Variants in COL23A1 observed in about 807,000 individuals in gnomAD.
COL23A1 encodes the protein collagen alpha-1(XXIII) chain.
Under a neutral mutation model 99.3 loss-of-function variants are expected in COL23A1, and 97 were observed. The observed-to-expected ratio is 0.98, with a 90% confidence interval of 0.83 to 1.16. The LOEUF (loss-of-function observed/expected upper bound fraction) is 1.16, where lower values mean the gene tolerates loss of function less well. Ranked by LOEUF, COL23A1 falls within the 50% of genes most tolerant of loss-of-function variation. The probability of loss-of-function intolerance (pLI) is 0.00; values close to 1 mark genes in which losing one functional copy is unlikely to be tolerated. For missense variants in COL23A1, 762 were observed against 757.4 expected (o/e 1.01, Z -0.07); for synonymous variants, 320 against 308.2 (o/e 1.04, Z -0.40).
At position 178,262,250 on chromosome 5, in the gene COL23A1, G is replaced by A; in HGVS notation, c.642C>T (p.Gly214=). ...DGPRGAQGPA[G]PKGEPGQDGE... Reference sequence around the variant, plus strand: ...CGTCTTGTCCGGGCTCTCCTTTGGGGCCCTGCGGAAGTGTGAGGGGACAGC... The same window carrying A: ...CGTCTTGTCCGGGCTCTCCTTTGGGACCCTGCGGAAGTGTGAGGGGACAGC... Residue 214 remains glycine (G), a splice_region_variant and synonymous_variant, in exon 10 of 29, where the codon GGC becomes GGT. Coordinates refer to ENST00000390654, the MANE Select transcript of COL23A1 (RefSeq NM_173465.4). The A allele has an allele frequency of 1.3e-6, 2 of 1,581,750 alleles. No individual in the cohort carries two copies. Among genetic ancestry groups the A allele is most frequent in the Non-Finnish European group, 1.7e-6 (2 of 1,163,338 alleles).
At chr5:178,463,662 G>A (rs952968111) in intron 2 of COL23A1, among the ~76,000 whole-genome samples, 1 of 152,200 alleles carries the variant, frequency 6.6e-6, no homozygotes, top group African/African-American at 2.4e-5. Flanking sequence ...GCTGAGAGGC[G>A]AGCGGGACAC....
At chr5:178,259,625 GTCCCCA>G (rs1187383259) in intron 12 of COL23A1, 90 bp downstream of exon 12, 10 of 657,602 alleles carry the variant, frequency 1.5e-5, no homozygotes, top group South Asian at 7.9e-5. Flanking sequence ...AGCCCATCCC[GTCCCCA>G]TCCCCATCCC....
chr5:178,326,222 C>G (rs78172703), intron 2 of COL23A1, among the ~76,000 whole-genome samples: 2,296 of 152,294 alleles, frequency 0.015, 66 homozygotes, highest in African/African-American at 0.051. Flanking sequence ...GCCTGCTTGA[C>G]GGCCCCATAG....
intron 8 of COL23A1, among the ~76,000 whole-genome samples, chr5:178,266,914 C>T (rs1482213018): frequency 6.6e-6 from 1 of 152,266 alleles, no homozygotes; most frequent in Non-Finnish European, 1.5e-5. Flanking sequence ...AGCAAAGTGA[C>T]TTGTTCAGGG....
chr5:178,334,155 C>A (rs1259871987), intron 2 of COL23A1, among the ~76,000 whole-genome samples: 3 of 152,202 alleles, frequency 2.0e-5, no homozygotes, highest in Non-Finnish European at 4.4e-5. Context: ...TTGCCTCCCT[C>A]CTGCTCTCTG....
intron 2 of COL23A1, among the ~76,000 whole-genome samples, chr5:178,530,749 G>A (rs916347087): frequency 3.9e-5 from 6 of 152,168 alleles, no homozygotes; most frequent in South Asian, 2.1e-4. Flanking sequence ...GTGAGTGAGC[G>A]AGCCTTCAGA....
intron 2 of COL23A1, among the ~76,000 whole-genome samples, chr5:178,315,916 A>G (rs1366603393): frequency 6.6e-6 from 1 of 152,204 alleles, no homozygotes; most frequent in Admixed American, 6.5e-5. Flanking sequence ...ACAATCTTGT[A>G]GTCTCAAATT....
intron 5 of COL23A1, among the ~76,000 whole-genome samples, chr5:178,284,097 G>C (rs1464488931): frequency 6.6e-6 from 1 of 152,264 alleles, no homozygotes; most frequent in Middle Eastern, 3.4e-3. Flanking sequence ...CCGTGCCTAG[G>C]GCTCCTCTGA....
At chr5:178,240,851 T>C (rs996192977) in intron 27 of COL23A1, among the ~76,000 whole-genome samples, 1 of 152,166 alleles carries the variant, frequency 6.6e-6, no homozygotes, top group Non-Finnish European at 1.5e-5. Flanking sequence ...TGAATATCTG[T>C]CCAGTTTTAG....
chr5:178,540,629 C>A (rs1761232906), intron 2 of COL23A1, among the ~76,000 whole-genome samples: 1 of 152,188 alleles, frequency 6.6e-6, no homozygotes, highest in African/African-American at 2.4e-5. Flanking sequence ...CATTCAAAAT[C>A]TCAGCAGGGT....
At position 178,522,651 on chromosome 5, in the gene COL23A1, C is replaced by T. The variant is rs936224085; in HGVS notation, c.361+38031G>A. Among the ~76,000 whole-genome samples the T allele has an allele frequency of 7.2e-5, 11 of 152,148 alleles. No individual in the cohort carries two copies. In the South Asian group the frequency reaches 1.9e-3, roughly 26 times the overall value. On this transcript the variant is annotated intron_variant, in intron 2 of 28. Coordinates refer to ENST00000390654, the MANE Select transcript of COL23A1 (RefSeq NM_173465.4). Reference sequence around the variant, plus strand: ...GCAATGCGCTTGTATCTGAGGACAACGGGGACAGTGGTGGAGGGCACGATA... The same window carrying T: ...GCAATGCGCTTGTATCTGAGGACAATGGGGACAGTGGTGGAGGGCACGATA...
intron 17 of COL23A1, among the ~76,000 whole-genome samples, chr5:178,252,215 C>T (rs1250445904): frequency 1.3e-5 from 2 of 152,158 alleles, no homozygotes; most frequent in African/African-American, 4.8e-5. Flanking sequence ...CACGCCCAGC[C>T]CATTTTCTTT....
At chr5:178,522,716 A>T (rs749466203) in intron 2 of COL23A1, among the ~76,000 whole-genome samples, 12 of 152,152 alleles carry the variant, frequency 7.9e-5, no homozygotes, top group Non-Finnish European at 1.8e-4. Context: ...TGATGACAGG[A>T]CCAACACCAA....
chr5:178,360,512 C>T (rs1762119618), intron 2 of COL23A1, among the ~76,000 whole-genome samples: 1 of 152,116 alleles, frequency 6.6e-6, no homozygotes, highest in African/African-American at 2.4e-5. Context: ...TAGGGGCCTG[C>T]CCGGCAAAGA....
At chr5:178,562,564 G>GAAAAAAAAAAAAAAA (rs746935339) in intron 1 of COL23A1, 1 of 115,660 alleles carries the variant, frequency 8.6e-6, no homozygotes. Context: ...AATAAAAAAA[G>GAAAAAAAAAAAAAAA]AAAAAAAAAA....
intron 2 of COL23A1, among the ~76,000 whole-genome samples, chr5:178,435,484 G>A (rs376760863): frequency 1.3e-3 from 198 of 152,346 alleles, no homozygotes; most frequent in Non-Finnish European, 2.2e-3. Context: ...GCCCTGGGGT[G>A]CAGACCACGC....
rs185932392 is a variant in COL23A1 at position 178,502,321 on chromosome 5, C to T, written c.361+58361G>A. Among the ~76,000 whole-genome samples, 1,170 of 152,192 alleles carry T rather than the reference C, an allele frequency of 7.7e-3. 8 individuals are homozygous for T. Among genetic ancestry groups the T allele is most frequent in the Non-Finnish European group, 0.011 (769 of 68,000 alleles). On this transcript the variant is annotated intron_variant, in intron 2 of 28. Transcript: ENST00000390654. The stretch of plus-strand genomic sequence containing the variant: ...TAATTTTTTGTATTTTTAGTAGAGA[C>T]GGGGTTTCACCATGTTAGCCAGGAT...
chr5:178,357,238 C>T (rs1397782992), intron 2 of COL23A1, among the ~76,000 whole-genome samples: 2 of 152,218 alleles, frequency 1.3e-5, no homozygotes, highest in Admixed American at 6.5e-5. Context: ...TCTGAAGTGC[C>T]GGGTAGTGCA....
intron 7 of COL23A1, among the ~76,000 whole-genome samples, chr5:178,268,455 C>T (rs944814068): frequency 2.0e-5 from 3 of 152,184 alleles, no homozygotes; most frequent in Non-Finnish European, 2.9e-5. Flanking sequence ...TCTGGACACT[C>T]GTCATTCTGG....
Sources: allele counts gnomAD v4.1 joint callset (sites outside exome capture counted in the v4.1 genomes callset), GRCh38; gene constraint gnomAD v4.1.1; transcripts MANE v1.5; gene names NCBI Gene and HGNC (gene_info 2026-07-23, HGNC 2026-07-21).